The following GJA1 variants were observed in gnomAD, a reference collection of about 807,000 sequenced individuals.
GJA1 encodes the protein gap junction protein alpha 1.
A neutral mutation model predicts 31.0 loss-of-function variants in GJA1; 9 were observed. The observed-to-expected ratio is 0.29, with a 90% CI of 0.17 to 0.51. The LOEUF (loss-of-function observed/expected upper bound fraction) is 0.51, where lower values mean the gene tolerates loss of function less well. Among genes scored for constraint, GJA1 ranks in the 20% least tolerant of loss-of-function variants. GJA1 has a pLI of 0.98. For synonymous variants in GJA1, 186 were observed against 180.1 expected (o/e 1.03, Z -0.26); for missense variants, 278 against 468.8 (o/e 0.59, Z 3.76).
At position 121,446,902 on chromosome 6, in the gene GJA1, A is replaced by G; in HGVS notation, c.55A>G (p.Thr19Ala). ...KLLDKVQAYS[T>A]AGGKVWLSVL... The stretch of plus-strand genomic sequence containing the variant: ...CCTTGACAAGGTTCAAGCCTACTCA[A>G]CTGCTGGAGGGAAGGTGTGGCTGTC... Residue 19 changes from threonine to alanine, a missense_variant, in exon 2 of 2, where the codon ACT (threonine) becomes GCT (alanine). By Grantham distance (58) the Thr-to-Ala change is moderately conservative. Around this residue, in one of 3 missense-constraint regions of GJA1, gnomAD observed 26 missense variants for 114.4 expected, o/e 0.23. Coordinates refer to ENST00000282561, the MANE Select transcript of GJA1 (RefSeq NM_000165.5). The G allele has an allele frequency of 6.2e-7, 1 of 1,614,016 alleles. No homozygotes were observed. Among genetic ancestry groups the G allele is most frequent in the Non-Finnish European group, 8.5e-7 (1 of 1,179,844 alleles).
chr6:121,436,805 T>C (rs1422856303), intron 1 of GJA1, among the ~76,000 whole-genome samples: 2 of 152,172 alleles, frequency 1.3e-5, no homozygotes, highest in East Asian at 3.9e-4. Flanking sequence ...AATTCAGAAC[T>C]CTGGGGCAGT....
intron 1 of GJA1, among the ~76,000 whole-genome samples, chr6:121,443,258 A>T (rs1313127603): frequency 6.6e-6 from 1 of 152,242 alleles, no homozygotes; most frequent in African/African-American, 2.4e-5. Flanking sequence ...ACTACCAAAA[A>T]AAAAGGGAAC....
rs1254078386 is a variant in GJA1, at chr6:121,448,760, T to C, written c.*764T>C. Reference sequence around the variant, plus strand: ...AAGACAGTTGGGATGTCACTTAACATTTTTTTTTTGAGCTAAAGTCAGGGA... The same window carrying C: ...AAGACAGTTGGGATGTCACTTAACACTTTTTTTTTGAGCTAAAGTCAGGGA... On this transcript the variant is annotated 3_prime_UTR_variant, in exon 2 of 2. Coordinates refer to ENST00000282561, the MANE Select transcript of GJA1 (RefSeq NM_000165.5). 1 of 69,938 alleles carries C rather than the reference T, an allele frequency of 1.4e-5. No homozygotes were observed. The highest frequency in any genetic ancestry group is 3.0e-5 in the Non-Finnish European group (1 of 33,268). The allele number at this position is 69,938 out of a possible 1,614,324, so 4.3% of individuals were successfully genotyped here.
intron 1 of GJA1, among the ~76,000 whole-genome samples, chr6:121,440,276 A>G (rs974090831): frequency 6.6e-6 from 1 of 152,088 alleles, no homozygotes; most frequent in Admixed American, 6.6e-5. Flanking sequence ...ATGTACAAGC[A>G]TGATACCTGA....
rs1160224388 is a variant in GJA1 at position 121,446,877 on chromosome 6, C to A, written c.30C>A (p.Leu10=). 1 of 1,614,010 alleles carries A rather than the reference C, an allele frequency of 6.2e-7. No individual in the cohort carries two copies. The highest frequency in any genetic ancestry group is 1.3e-5 in the African/African-American group (1 of 75,062). MGDWSALGK[L]LDKVQAYSTA... ...GTGACTGGAGCGCCTTAGGCAAACT[C>A]CTTGACAAGGTTCAAGCCTACTCAA... Residue 10 remains leucine, a synonymous_variant, in exon 2 of 2, where the codon CTC becomes CTA. Transcript: ENST00000282561.
In GJA1 at chr6:121,447,806, T is replaced by G. The variant is rs569067227; in HGVS notation, c.959T>G (p.Met320Arg). The G allele has an allele frequency of 1.9e-6, 3 of 1,613,832 alleles. No homozygotes were observed. In the East Asian group the frequency reaches 6.7e-5, roughly 36 times the overall value. ...WANYSAEQNR[M>R]GQAGSTISNS... ...AATTACAGTGCAGAACAAAATCGAA[T>G]GGGGCAGGCGGGAAGCACCATCTCT... Residue 320 changes from methionine (M) to arginine (R), a missense_variant, in exon 2 of 2, where the codon ATG (methionine) becomes AGG (arginine). By Grantham distance (91) the Met-to-Arg change is moderately conservative. Coordinates refer to ENST00000282561, the MANE Select transcript of GJA1 (RefSeq NM_000165.5).
Position 121,447,105 on chromosome 6 carries a change from T to C in GJA1, c.258T>C (p.Ser86=). 6.2e-7 allele frequency: 1 copy of C among 1,613,992 alleles called. No individual in the cohort carries two copies. Among genetic ancestry groups the C allele is most frequent in the South Asian group, 1.1e-5 (1 of 91,074 alleles). The change falls in exon 2 of 2, where the codon TCT becomes TCC. Residue 86 remains serine, a synonymous_variant. Transcript: ENST00000282561. ...RFWVLQIIFV[S]VPTLLYLAHV... Reference sequence around the variant, plus strand: ...GGGTCCTGCAGATCATATTTGTGTCTGTACCCACACTCTTGTACCTGGCTC... The same window carrying C: ...GGGTCCTGCAGATCATATTTGTGTCCGTACCCACACTCTTGTACCTGGCTC...
chr6:121,437,666 G>A (rs868159538), intron 1 of GJA1, among the ~76,000 whole-genome samples: 2 of 152,066 alleles, frequency 1.3e-5, no homozygotes, highest in Non-Finnish European at 2.9e-5. Context: ...GGGGGTTTCT[G>A]ATAACGCTCA....
intron 1 of GJA1, among the ~76,000 whole-genome samples, chr6:121,440,912 T>TG (rs1487912033): frequency 1.4e-5 from 2 of 142,178 alleles, no homozygotes; most frequent in East Asian, 4.0e-4. Context: ...TGGCTACTTT[T>TG]TTGTTGTTGT....
intron 1 of GJA1, among the ~76,000 whole-genome samples, chr6:121,440,982 G>A (rs569576611): frequency 8.7e-4 from 129 of 148,924 alleles, no homozygotes; most frequent in African/African-American, 2.7e-3. Context: ...TCGCTCTGTC[G>A]CCCAGGCTGG....
At chr6:121,446,061 TG>T (rs1161314452) in intron 1 of GJA1, among the ~76,000 whole-genome samples, 5 of 152,172 alleles carry the variant, frequency 3.3e-5, no homozygotes, top group African/African-American at 1.2e-4. Context: ...TTTGGGAGGC[TG>T]AGGTAGATGG....
intron 1 of GJA1, among the ~76,000 whole-genome samples, chr6:121,440,163 G>T (rs931691335): frequency 2.0e-5 from 3 of 151,750 alleles, no homozygotes; most frequent in Admixed American, 2.0e-4. Context: ...ATCGGAGTTA[G>T]AACATCGTAG....
rs746081201 is a variant in GJA1 at position 121,447,948 on chromosome 6, C to A, written c.1101C>A (p.Ala367=). The A allele has an allele frequency of 6.2e-7, 1 of 1,613,872 alleles. No homozygotes were observed. The change falls in exon 2 of 2, where the codon GCC becomes GCA. Residue 367 remains alanine, a synonymous_variant. Coordinates refer to ENST00000282561, the MANE Select transcript of GJA1 (RefSeq NM_000165.5). ...AIVDQRPSSR[A]SSRASSRPRP... The stretch of plus-strand genomic sequence containing the variant: ...TGGACCAGCGACCTTCAAGCAGAGC[C>A]AGCAGTCGTGCCAGCAGCAGACCTC...
At chr6:121,435,857 C>G (rs535049020) in intron 1 of GJA1, 25 bp downstream of exon 1, 2 of 152,164 alleles carry the variant, frequency 1.3e-5, no homozygotes, top group East Asian at 3.9e-4. Flanking sequence ...AATGAGAACA[C>G]GTTACCTATT....
intron 1 of GJA1, among the ~76,000 whole-genome samples, chr6:121,441,380 CTCTT>C (rs1400424497): frequency 1.3e-5 from 2 of 152,112 alleles, no homozygotes; most frequent in Admixed American, 1.3e-4. Flanking sequence ...TGAGCCACAT[CTCTT>C]ACTCTTTCAA....
At chr6:121,442,290 T>C (rs971721467) in intron 1 of GJA1, among the ~76,000 whole-genome samples, 2 of 152,250 alleles carry the variant, frequency 1.3e-5, no homozygotes, top group African/African-American at 4.8e-5. Context: ...AGTATATTAA[T>C]GGCATGGAAA....
chr6:121,437,324 A>G (rs879293354), intron 1 of GJA1, among the ~76,000 whole-genome samples: 13 of 150,156 alleles, frequency 8.7e-5, no homozygotes, highest in East Asian at 1.9e-4. Context: ...AAAGTTGTCA[A>G]TCTAATTTCC....
chr6:121,447,297 G>A lies in GJA1; in HGVS notation c.450G>A (p.Gly150=), dbSNP rs752221637. The A allele has an allele frequency of 6.2e-7, 1 of 1,614,050 alleles. No individual in the cohort carries two copies. The highest frequency in any genetic ancestry group is 1.1e-5 in the South Asian group (1 of 91,076). Residue 150 remains glycine, a synonymous_variant, in exon 2 of 2, where the codon GGG becomes GGA. Coordinates refer to ENST00000282561, the MANE Select transcript of GJA1 (RefSeq NM_000165.5). ...ATGGTAAGGTGAAAATGCGAGGGGG[G>A]TTGCTGCGAACCTACATCATCAGTA... is the stretch of plus-strand genomic sequence containing the variant. The part of the protein sequence containing the change: ...EEHGKVKMRG[G]LLRTYIISIL...
At chr6:121,438,837 A>AT (rs3840372) in intron 1 of GJA1, among the ~76,000 whole-genome samples, 8,652 of 152,180 alleles carry the variant, frequency 0.057, 396 homozygotes, top group East Asian at 0.22. Context: ...AATTGTCTAA[A>AT]CCTCCATCTA....
Sources: allele counts gnomAD v4.1 joint callset (sites outside exome capture counted in the v4.1 genomes callset), GRCh38; gene constraint gnomAD v4.1.1; regional missense constraint gnomAD v4.1.1; transcripts MANE v1.5; gene names NCBI Gene and HGNC (gene_info 2026-07-23, HGNC 2026-07-21).